The following GRM5 variants were observed in gnomAD, a reference collection of about 807,000 sequenced individuals.
GRM5 encodes the protein glutamate metabotropic receptor 5.
Under a neutral mutation model 83.1 loss-of-function variants are expected in GRM5, and 19 were observed. The observed-to-expected ratio is 0.23, with a 90% CI of 0.16 to 0.34. The LOEUF (loss-of-function observed/expected upper bound fraction) is 0.34. Among genes scored for constraint, GRM5 ranks in the 10% least tolerant of loss-of-function variants. GRM5 has a pLI of 1.00. For missense variants in GRM5, 1,160 were observed against 1,588.3 expected (o/e 0.73, Z 4.58); for synonymous variants, 675 against 633.6 (o/e 1.07, Z -0.98).
intron 3 of GRM5, among the ~76,000 whole-genome samples, chr11:88,730,579 T>G (rs1941785630): frequency 6.6e-6 from 1 of 152,166 alleles, no homozygotes; most frequent in Non-Finnish European, 1.5e-5. Flanking sequence ...ATATGTTTAT[T>G]GCAGCACTGT....
chr11:88,531,611 G>A (rs1942009281), intron 8 of GRM5, among the ~76,000 whole-genome samples: 1 of 152,090 alleles, frequency 6.6e-6, no homozygotes, highest in South Asian at 2.1e-4. Context: ...CATAGAAATT[G>A]CAGACTCTCT....
intron 2 of GRM5, among the ~76,000 whole-genome samples, chr11:88,964,679 C>A (rs889511324): frequency 6.6e-6 from 1 of 152,126 alleles, no homozygotes; most frequent in Non-Finnish European, 1.5e-5. Context: ...AGTGCTGTAA[C>A]TTGGCACATC....
chr11:88,745,918 G>A lies in GRM5; in HGVS notation c.912-92515C>T, dbSNP rs542523650. ...CCATCTACTACTTAAGTGACCTTGG[G>A]AATATTATTTAGTCCGTCTGTGTCT... On this transcript the variant is annotated intron_variant, in intron 3 of 9. Coordinates refer to ENST00000305447, the MANE Select transcript of GRM5 (RefSeq NM_001143831.3). Among the ~76,000 whole-genome samples, 11 of 152,258 alleles carry A rather than the reference G, an allele frequency of 7.2e-5. No homozygotes were observed. The South Asian group carries it at 1.2e-3, about 17-fold the overall frequency.
At chr11:88,610,997 T>G (rs539345947) in intron 4 of GRM5, among the ~76,000 whole-genome samples, 17 of 152,296 alleles carry the variant, frequency 1.1e-4, no homozygotes, top group African/African-American at 4.1e-4. Context: ...TTGTTACTTC[T>G]GTTGATGTGG....
intron 2 of GRM5, among the ~76,000 whole-genome samples, chr11:88,966,033 A>C (rs1938949131): frequency 6.6e-6 from 1 of 152,176 alleles, no homozygotes; most frequent in Admixed American, 6.5e-5. Flanking sequence ...TACGAAAGTA[A>C]AAATCATACA....
chr11:88,591,368 C>T (rs1419352697), intron 6 of GRM5, among the ~76,000 whole-genome samples: 1 of 152,076 alleles, frequency 6.6e-6, no homozygotes, highest in Admixed American at 6.6e-5. Context: ...GTCACTGAGA[C>T]TATTATATAC....
At chr11:88,836,380 T>C (rs1363569584) in intron 3 of GRM5, among the ~76,000 whole-genome samples, 1 of 152,248 alleles carries the variant, frequency 6.6e-6, no homozygotes, top group Non-Finnish European at 1.5e-5. Context: ...GTATGATTTA[T>C]CACAATGCCT....
chr11:88,751,134 A>G (rs1942266887), intron 3 of GRM5, among the ~76,000 whole-genome samples: 2 of 151,302 alleles, frequency 1.3e-5, no homozygotes, highest in South Asian at 4.2e-4. Flanking sequence ...GGAAATAGAG[A>G]CATGCAAAAC....
chr11:88,726,920 G>A (rs1042829677), intron 3 of GRM5, among the ~76,000 whole-genome samples: 9 of 152,068 alleles, frequency 5.9e-5, no homozygotes, highest in African/African-American at 2.2e-4. Context: ...AACCAGTACC[G>A]GCCACTGCAA....
At chr11:88,556,824 A>C (rs1283753003) in intron 8 of GRM5, among the ~76,000 whole-genome samples, 1 of 152,112 alleles carries the variant, frequency 6.6e-6, no homozygotes, top group African/African-American at 2.4e-5. Flanking sequence ...TACTTCTGTC[A>C]AATTATGACA....
At chr11:88,625,758 T>G (rs923150247) in intron 4 of GRM5, among the ~76,000 whole-genome samples, 1 of 152,044 alleles carries the variant, frequency 6.6e-6, no homozygotes. Flanking sequence ...TGTGTGCATA[T>G]AGCCCCAATT....
intron 2 of GRM5, among the ~76,000 whole-genome samples, chr11:88,995,370 C>A (rs1198859352): frequency 1.3e-5 from 2 of 151,578 alleles, no homozygotes; most frequent in East Asian, 1.9e-4. Context: ...CATGATGAAA[C>A]CCCATCTCTA....
At chr11:88,907,156 G>A (rs1945417583) in intron 2 of GRM5, among the ~76,000 whole-genome samples, 1 of 152,080 alleles carries the variant, frequency 6.6e-6, no homozygotes, top group Non-Finnish European at 1.5e-5. Flanking sequence ...TCTATATAAT[G>A]AGGATGGTTA....
chr11:89,006,942 C>T (rs191898126), intron 2 of GRM5, among the ~76,000 whole-genome samples: 8,037 of 152,082 alleles, frequency 0.053, 377 homozygotes, highest in African/African-American at 0.12. Flanking sequence ...GGACTACAGG[C>T]GCCCGCCACC....
intron 3 of GRM5, among the ~76,000 whole-genome samples, chr11:88,822,067 T>C (rs1289515867): frequency 6.6e-6 from 1 of 152,200 alleles, no homozygotes; most frequent in Non-Finnish European, 1.5e-5. Flanking sequence ...GATTATTGTT[T>C]AGATCAAATC....
intron 3 of GRM5, among the ~76,000 whole-genome samples, chr11:88,779,643 G>A (rs912269506): frequency 2.0e-5 from 3 of 151,932 alleles, no homozygotes; most frequent in South Asian, 2.1e-4. Context: ...ACCCACCCAC[G>A]CACAGAGCTA....
intron 3 of GRM5, among the ~76,000 whole-genome samples, chr11:88,805,156 T>A (rs1943477345): frequency 6.6e-6 from 1 of 152,024 alleles, no homozygotes; most frequent in Non-Finnish European, 1.5e-5. Flanking sequence ...AACTCATGAG[T>A]GCTGATATTT....
intron 2 of GRM5, among the ~76,000 whole-genome samples, chr11:89,036,754 G>A (rs1034329969): frequency 9.3e-5 from 14 of 150,406 alleles, no homozygotes; most frequent in African/African-American, 3.2e-4. Flanking sequence ...CTACTTAAAT[G>A]AGAATTATTT....
At chr11:88,682,176 T>C (rs1458122481) in intron 3 of GRM5, among the ~76,000 whole-genome samples, 1 of 152,162 alleles carries the variant, frequency 6.6e-6, no homozygotes, top group African/African-American at 2.4e-5. Context: ...TCTATTGATA[T>C]TGATTCTGAA....
Sources: allele counts gnomAD v4.1 joint callset (sites outside exome capture counted in the v4.1 genomes callset), GRCh38; gene constraint gnomAD v4.1.1; transcripts MANE v1.5; gene names NCBI Gene and HGNC (gene_info 2026-07-23, HGNC 2026-07-21).